Variants in SH3BGRL2 observed in about 807,000 individuals in gnomAD.
SH3BGRL2 encodes the protein SH3 domain binding glutamate rich protein like 2.
In SH3BGRL2, 21 loss-of-function variants were observed where a neutral mutation model predicts 14.8. The observed-to-expected ratio is 1.42, with a 90% CI of 1.01 to 2.05. The LOEUF is 2.05. Among genes scored for constraint, SH3BGRL2 ranks in the 30% most tolerant of loss-of-function variants. SH3BGRL2 has a pLI of 0.00. For missense variants in SH3BGRL2, 147 were observed against 130.8 expected, an observed-to-expected ratio of 1.12 and a Z score of -0.61; for synonymous variants, 50 against 47.8, an observed-to-expected ratio of 1.05 and a Z score of -0.19.
At chr6:79,661,934 T>G (rs1239585137) in intron 1 of SH3BGRL2, among the ~76,000 whole-genome samples, 1 of 152,238 alleles carries the variant, frequency 6.6e-6, no homozygotes, top group Non-Finnish European at 1.5e-5. Flanking sequence ...GTCTGTTTTA[T>G]CAGAGACTAG....
At chr6:79,553,442 G>A in the SH3BGRL2 span, among the ~76,000 whole-genome samples, 1 of 152,084 alleles carries the variant, frequency 6.6e-6, no homozygotes. Flanking sequence ...CATACTTGTG[G>A]CTCCAATTAA....
the SH3BGRL2 span, among the ~76,000 whole-genome samples, chr6:79,619,250 G>A: frequency 6.6e-6 from 1 of 151,784 alleles, no homozygotes; most frequent in Non-Finnish European, 1.5e-5. Flanking sequence ...TTGATGTTTT[G>A]TTACACATCT....
intron 2 of SH3BGRL2, among the ~76,000 whole-genome samples, chr6:79,680,632 T>G (rs1264680830): frequency 1.3e-5 from 2 of 152,142 alleles, no homozygotes; most frequent in Non-Finnish European, 2.9e-5. Context: ...GAAATTTTAA[T>G]AGGGATCATG....
At chr6:79,662,569 G>A (rs1017013620) in intron 1 of SH3BGRL2, among the ~76,000 whole-genome samples, 1 of 152,074 alleles carries the variant, frequency 6.6e-6, no homozygotes, top group African/African-American at 2.4e-5. Context: ...CTCTCTGGCC[G>A]CCCTTAACAT....
the SH3BGRL2 span, among the ~76,000 whole-genome samples, chr6:79,568,865 T>C: frequency 6.6e-6 from 1 of 152,228 alleles, no homozygotes; most frequent in Non-Finnish European, 1.5e-5. Flanking sequence ...TTTTATATTC[T>C]TAGTATGTAT....
intron 2 of SH3BGRL2, among the ~76,000 whole-genome samples, chr6:79,685,074 T>C (rs546670384): frequency 6.6e-6 from 1 of 152,358 alleles, no homozygotes; most frequent in Admixed American, 6.5e-5. Context: ...GCTTTTATTC[T>C]TCTGTCTATA....
At chr6:79,656,874 T>C (rs985658412) in intron 1 of SH3BGRL2, among the ~76,000 whole-genome samples, 1 of 152,160 alleles carries the variant, frequency 6.6e-6, no homozygotes, top group Non-Finnish European at 1.5e-5. Context: ...TAAATATGAA[T>C]GTGTGTGCAC....
intron 1 of SH3BGRL2, among the ~76,000 whole-genome samples, chr6:79,670,849 A>G (rs1769757599): frequency 6.6e-6 from 1 of 152,188 alleles, no homozygotes; most frequent in Non-Finnish European, 1.5e-5. Flanking sequence ...CAGGCACCAT[A>G]TCTGCGTTTC....
At chr6:79,676,838 G>A (rs939971392) in intron 2 of SH3BGRL2, among the ~76,000 whole-genome samples, 5 of 151,896 alleles carry the variant, frequency 3.3e-5, no homozygotes, top group Admixed American at 6.6e-5. Context: ...TCTTTATGAC[G>A]TCTAGCTGTC....
At chr6:79,613,178 C>G in the SH3BGRL2 span, among the ~76,000 whole-genome samples, 1 of 152,194 alleles carries the variant, frequency 6.6e-6, no homozygotes, top group Non-Finnish European at 1.5e-5. Context: ...TTTGACCAGG[C>G]TGTGCTTTTG....
chr6:79,605,302 A>G, the SH3BGRL2 span, among the ~76,000 whole-genome samples: 7 of 152,372 alleles, frequency 4.6e-5, no homozygotes, highest in East Asian at 9.6e-4. Flanking sequence ...GTGTAGCCAC[A>G]TGAATGATGT....
At chr6:79,539,612 T>G in the SH3BGRL2 span, among the ~76,000 whole-genome samples, 1 of 152,264 alleles carries the variant, frequency 6.6e-6, no homozygotes, top group Non-Finnish European at 1.5e-5. Flanking sequence ...TTGGCTTCTT[T>G]ATTGCCATAT....
At chr6:79,552,475 T>C in the SH3BGRL2 span, among the ~76,000 whole-genome samples, 1 of 152,192 alleles carries the variant, frequency 6.6e-6, no homozygotes, top group African/African-American at 2.4e-5. Flanking sequence ...TCTGTAAGTC[T>C]TATGATCTCT....
chr6:79,590,341 G>C, the SH3BGRL2 span, among the ~76,000 whole-genome samples: 1 of 147,896 alleles, frequency 6.8e-6, no homozygotes, highest in Non-Finnish European at 1.5e-5. Flanking sequence ...GCACTTATAT[G>C]TTCATTGCAG....
chr6:79,649,441 G>A (rs1372232960), intron 1 of SH3BGRL2, among the ~76,000 whole-genome samples: 1 of 152,084 alleles, frequency 6.6e-6, no homozygotes, highest in Admixed American at 6.6e-5. Context: ...TTTGTGTTTG[G>A]CAGGGTGAGC....
At chr6:79,597,249 G>T in the SH3BGRL2 span, among the ~76,000 whole-genome samples, 2 of 137,072 alleles carry the variant, frequency 1.5e-5, no homozygotes, top group African/African-American at 5.4e-5. Flanking sequence ...GAAGAAAGAA[G>T]AAGAAGAGGA....
At chr6:79,580,970 C>T in the SH3BGRL2 span, among the ~76,000 whole-genome samples, 1 of 152,078 alleles carries the variant, frequency 6.6e-6, no homozygotes, top group African/African-American at 2.4e-5. Context: ...ATCACTGATC[C>T]CACAGAAATA....
chr6:79,699,462 A>AAT, intron 3 of SH3BGRL2, 36 bp from the exon 4 acceptor site: 1 of 982,476 alleles, frequency 1.0e-6, no homozygotes, highest in Non-Finnish European at 1.4e-6. Context: ...GCAATAACTG[A>AAT]CTTTTTTTTT....
intron 2 of SH3BGRL2, among the ~76,000 whole-genome samples, chr6:79,685,480 C>A (rs1770073080): frequency 6.6e-6 from 1 of 152,060 alleles, no homozygotes; most frequent in African/African-American, 2.4e-5. Flanking sequence ...TTTCTAAGTT[C>A]TTGCCATTCA....
Sources: allele counts gnomAD v4.1 joint callset (sites outside exome capture counted in the v4.1 genomes callset), GRCh38; gene constraint gnomAD v4.1.1; transcripts MANE v1.5; gene names NCBI Gene and HGNC (gene_info 2026-07-23, HGNC 2026-07-21).